The following IFTAP variants were observed in gnomAD, a reference collection of about 807,000 sequenced individuals.
IFTAP encodes the protein intraflagellar transport associated protein, also known as intraflagellar transport-associated protein.
Under a neutral mutation model 19.4 loss-of-function variants are expected in IFTAP, and 19 were observed. That is an observed-to-expected ratio of 0.98 (90% confidence interval 0.68 to 1.44). IFTAP has a LOEUF of 1.44. Ranked by LOEUF, IFTAP falls within the 40% of genes most tolerant of loss-of-function variation. The probability of loss-of-function intolerance (pLI) is 0.00; values close to 1 mark genes in which losing one functional copy is unlikely to be tolerated. For missense variants in IFTAP, 240 were observed against 253.6 expected (o/e 0.95, Z 0.36); for synonymous variants, 85 against 83.5 (o/e 1.02, Z -0.10).
At chr11:36,616,324 C>A (rs1261289290) in intron 2 of IFTAP, among the ~76,000 whole-genome samples, 3 of 151,820 alleles carry the variant, frequency 2.0e-5, no homozygotes, top group Non-Finnish European at 4.4e-5. Flanking sequence ...TCTTAGTTTT[C>A]TTTATGCTAT....
At chr11:36,625,722 G>T (rs1852483493) in intron 2 of IFTAP, among the ~76,000 whole-genome samples, 1 of 152,186 alleles carries the variant, frequency 6.6e-6, no homozygotes, top group East Asian at 1.9e-4. Context: ...TTGTATTCTA[G>T]AAGGGGGAAA....
intron 5 of IFTAP, chr11:36,648,394 C>A: frequency 2.2e-6 from 1 of 444,550 alleles, no homozygotes; most frequent in Non-Finnish European, 4.0e-6. Context: ...TGCCATGCCA[C>A]AGATCAGTGC....
At position 36,636,129 on chromosome 11, in the gene IFTAP, AT is replaced by A; in HGVS notation, c.358+15del. ...CCAAATGAGTGAGGGTATGCTTTCT[AT>A]TTCCTTTCTATACTACCTGACCTCT... On this transcript the variant is annotated intron_variant, in intron 4 of 5. Transcript: ENST00000334307. 1 of 1,594,706 alleles carries A rather than the reference AT, an allele frequency of 6.3e-7. No individual in the cohort carries two copies. The highest frequency in any genetic ancestry group is 8.6e-7 in the Non-Finnish European group (1 of 1,163,012).
intron 1 of IFTAP, among the ~76,000 whole-genome samples, chr11:36,603,846 C>T (rs1851594263): frequency 6.6e-6 from 1 of 150,894 alleles, no homozygotes; most frequent in African/African-American, 2.4e-5. Flanking sequence ...CACTTGAACC[C>T]AGGAAGTAGA....
chr11:36,622,087 TTTA>T lies in IFTAP; in HGVS notation c.137-11194_137-11192del, dbSNP rs1414995388. On this transcript the variant is annotated intron_variant, in intron 2 of 5. Transcript: ENST00000334307. ...TTTACTTTAAGCTCTTGTTCTATTT[TTTA>T]TTTTTTTTTTTGTGAAGGCTCTCCT... is the stretch of plus-strand genomic sequence containing the variant. 3.4e-3 allele frequency among the ~76,000 whole-genome samples: 481 copies of T among 141,774 alleles called. 10 individuals are homozygous for T. Among genetic ancestry groups the T allele is most frequent in the African/African-American group, 0.011 (435 of 37,840 alleles). The allele number at this position is 141,774 out of a possible 152,430, so 93.0% of individuals were successfully genotyped here. A position where few individuals can be genotyped will look rare whatever the true frequency, so the allele number is the denominator to read the frequency against.
intron 4 of IFTAP, among the ~76,000 whole-genome samples, chr11:36,644,762 A>G (rs1302976848): frequency 6.7e-6 from 1 of 149,730 alleles, no homozygotes; most frequent in Admixed American, 6.7e-5. Flanking sequence ...AAAAAACCAA[A>G]CACTGAATGT....
intron 5 of IFTAP, 160 bp downstream of exon 5, chr11:36,648,315 A>T: frequency 2.3e-6 from 2 of 851,860 alleles, no homozygotes; most frequent in Non-Finnish European, 3.5e-6. Flanking sequence ...TCTCAAATGC[A>T]TACATTTCTT....
intron 1 of IFTAP, chr11:36,597,755 T>G (rs1851331930): frequency 6.6e-6 from 1 of 152,320 alleles, no homozygotes; most frequent in East Asian, 1.9e-4. Flanking sequence ...GCATTTAATG[T>G]GTGAATAACA....
In IFTAP at chr11:36,656,071, A is replaced by C. The variant is rs72941576; in HGVS notation, c.499-2948A>C. ...GATATTATAGCCACAAGGTAGTTTG[A>C]GACCTCAGGGAAGGGAGAATCTTAA... On this transcript the variant is annotated intron_variant, in intron 5 of 5. Coordinates refer to ENST00000334307, the MANE Select transcript of IFTAP (RefSeq NM_138787.4). Among the ~76,000 whole-genome samples the C allele has an allele frequency of 1.6e-3, 238 of 152,326 alleles. 1 individual carries two copies. The highest frequency in any genetic ancestry group is 2.9e-3 in the Admixed American group (44 of 15,292).
At chr11:36,624,864 T>C (rs1334118543) in intron 2 of IFTAP, among the ~76,000 whole-genome samples, 4 of 152,180 alleles carry the variant, frequency 2.6e-5, no homozygotes, top group African/African-American at 9.7e-5. Flanking sequence ...TTGGATTATC[T>C]ATATCTCTTA....
At chr11:36,648,818 C>T (rs1195962592) in intron 5 of IFTAP, among the ~76,000 whole-genome samples, 1 of 152,148 alleles carries the variant, frequency 6.6e-6, no homozygotes, top group African/African-American at 2.4e-5. Context: ...TGTCGGCTCA[C>T]ATTCCATTGG....
chr11:36,638,529 T>C (rs1853055974), intron 4 of IFTAP, among the ~76,000 whole-genome samples: 3 of 152,224 alleles, frequency 2.0e-5, no homozygotes, highest in African/African-American at 4.8e-5. Flanking sequence ...ACAATTTTCA[T>C]AATGCACAAT....
intron 1 of IFTAP, among the ~76,000 whole-genome samples, chr11:36,603,137 G>A (rs538004804): frequency 1.3e-5 from 2 of 152,246 alleles, no homozygotes; most frequent in South Asian, 2.1e-4. Context: ...GAGTATACTT[G>A]GGGAAATAAA....
chr11:36,645,089 GA>G (rs1284032854), intron 4 of IFTAP, among the ~76,000 whole-genome samples: 1 of 151,996 alleles, frequency 6.6e-6, no homozygotes, highest in Admixed American at 6.6e-5. Flanking sequence ...AGACTTTCAG[GA>G]AATGTTGGCC....
At chr11:36,607,995 T>C in intron 1 of IFTAP, among the ~76,000 whole-genome samples, 1 of 152,166 alleles carries the variant, frequency 6.6e-6, no homozygotes, top group Non-Finnish European at 1.5e-5. Context: ...AGAGGTCAAG[T>C]AACTTGCCCA....
intron 1 of IFTAP, among the ~76,000 whole-genome samples, chr11:36,605,613 C>T (rs978463283): frequency 2.0e-5 from 3 of 152,160 alleles, no homozygotes; most frequent in African/African-American, 7.2e-5. Context: ...ATTTTTCTAT[C>T]TCTCAGTGAC....
chr11:36,642,947 C>A (rs1260667597), intron 4 of IFTAP, among the ~76,000 whole-genome samples: 2 of 152,150 alleles, frequency 1.3e-5, no homozygotes, highest in East Asian at 1.9e-4. Flanking sequence ...AAAACTGGCA[C>A]AAGACAAGGA....
chr11:36,626,848 A>C lies in IFTAP; in HGVS notation c.137-6436A>C, dbSNP rs541119059. On this transcript the variant is annotated intron_variant, in intron 2 of 5. Transcript: ENST00000334307. ...CATAGTTACCCTGTGGTTTTATTTC[A>C]TCATGTGGGGCAGCATGGAATTGGA... Among the ~76,000 whole-genome samples, 39 of 151,226 alleles carry C rather than the reference A, an allele frequency of 2.6e-4. 1 individual carries two copies. The highest frequency in any genetic ancestry group is 1.2e-3 in the Admixed American group (18 of 15,236).
At chr11:36,637,484 C>A (rs1359255208) in intron 4 of IFTAP, among the ~76,000 whole-genome samples, 1 of 152,108 alleles carries the variant, frequency 6.6e-6, no homozygotes, top group East Asian at 1.9e-4. Flanking sequence ...GAAGGGAGAG[C>A]TAAGGACTTG....
Sources: gnomAD v4.1 joint callset for allele counts (sites outside exome capture counted in the v4.1 genomes callset) on GRCh38, gnomAD v4.1.1 for gene constraint, MANE v1.5 for transcripts, NCBI Gene and HGNC (gene_info 2026-07-23, HGNC 2026-07-21) for gene names.